The following PLXNA4 variants were observed in gnomAD, a reference collection of about 807,000 sequenced individuals.
The protein encoded by PLXNA4 is plexin-A4.
In PLXNA4, 44 loss-of-function variants were observed where a neutral mutation model predicts 191.8. The ratio of observed to expected loss-of-function variants is 0.23; its 90% confidence interval spans 0.18 to 0.29. The LOEUF (loss-of-function observed/expected upper bound fraction) is 0.29. Ranked by LOEUF, PLXNA4 falls within the 10% of genes least tolerant of loss-of-function variation. The probability of loss-of-function intolerance (pLI) is 1.00; values close to 1 mark genes in which losing one functional copy is unlikely to be tolerated. For missense variants in PLXNA4, 1,800 were observed against 2,488.8 expected, an observed-to-expected ratio of 0.72 and a Z score of 5.89; for synonymous variants, 1,082 against 1,009.5, an observed-to-expected ratio of 1.07 and a Z score of -1.36.
chr7:132,453,952 G>A (rs1796222008), intron 3 of PLXNA4, among the ~76,000 whole-genome samples: 2 of 152,210 alleles, frequency 1.3e-5, no homozygotes, highest in African/African-American at 4.8e-5. Context: ...CAGCAGAAAG[G>A]ACATCAGAGT....
intron 1 of PLXNA4, among the ~76,000 whole-genome samples, chr7:132,562,018 C>A (rs1257436226): frequency 9.4e-6 from 1 of 106,086 alleles, no homozygotes; most frequent in African/African-American, 3.0e-5. Flanking sequence ...TCCTACTCCT[C>A]CTCCTCCTCC....
At chr7:132,548,862 C>G (rs1800426846) in intron 1 of PLXNA4, among the ~76,000 whole-genome samples, 1 of 152,098 alleles carries the variant, frequency 6.6e-6, no homozygotes, top group Non-Finnish European at 1.5e-5. Context: ...CAAAACTCAC[C>G]AAAACCAAGA....
chr7:132,426,342 G>A (rs754341808), intron 3 of PLXNA4, among the ~76,000 whole-genome samples: 5 of 152,162 alleles, frequency 3.3e-5, no homozygotes, highest in African/African-American at 1.2e-4. Context: ...CTGGGTTGCC[G>A]GGCAGGAGTT....
At chr7:132,243,141 T>C (rs1309026421) in intron 4 of PLXNA4, among the ~76,000 whole-genome samples, 4 of 152,208 alleles carry the variant, frequency 2.6e-5, no homozygotes, top group Admixed American at 1.3e-4. Flanking sequence ...ACTTAATAAA[T>C]GCAGTTTGTT....
intron 3 of PLXNA4, among the ~76,000 whole-genome samples, chr7:132,333,937 T>C (rs1802702123): frequency 2.6e-5 from 4 of 152,250 alleles, no homozygotes; most frequent in Admixed American, 6.5e-5. Flanking sequence ...TCCGGGGTCC[T>C]GGAAGACCTA....
chr7:132,600,350 A>G (rs1279236018), intron 2 of PLXNA4, among the ~76,000 whole-genome samples: 2 of 151,988 alleles, frequency 1.3e-5, no homozygotes, highest in Admixed American at 6.6e-5. Flanking sequence ...TGGTCTAATT[A>G]TGATCTTTAT....
intron 3 of PLXNA4, among the ~76,000 whole-genome samples, chr7:132,395,788 T>A (rs931276562): frequency 1.3e-5 from 2 of 152,270 alleles, no homozygotes; most frequent in South Asian, 2.1e-4. Context: ...CTAGAAGGAA[T>A]GACCAGGATC....
intron 25 of PLXNA4, among the ~76,000 whole-genome samples, chr7:132,152,364 T>C (rs969885181): frequency 2.0e-5 from 3 of 152,192 alleles, no homozygotes; most frequent in African/African-American, 7.2e-5. Flanking sequence ...GCCAGCACCC[T>C]GGTCCCCTCA....
chr7:132,531,066 T>C (rs1369134305), intron 1 of PLXNA4, among the ~76,000 whole-genome samples: 1 of 152,198 alleles, frequency 6.6e-6, no homozygotes, highest in Non-Finnish European at 1.5e-5. Flanking sequence ...TACCCAGAGC[T>C]GGGAGGAGAA....
Position 132,358,092 on chromosome 7 carries a change from A to G in PLXNA4, c.1372-59870T>C, listed in dbSNP as rs527500396. ...AGATTCAAATTCCACTGCCACCACT[A>G]ACTTGCTTTTTAGAATCCAAAATGA... On this transcript the variant is annotated intron_variant, in intron 3 of 31. Coordinates refer to ENST00000321063, the MANE Select transcript of PLXNA4 (RefSeq NM_020911.2). Among the ~76,000 whole-genome samples the G allele has an allele frequency of 1.6e-3, 242 of 152,346 alleles. 2 individuals carry two copies. The highest frequency in any genetic ancestry group is 5.5e-3 in the African/African-American group (230 of 41,578).
chr7:132,622,984 A>G (rs1230054526), intron 2 of PLXNA4, among the ~76,000 whole-genome samples: 1 of 152,150 alleles, frequency 6.6e-6, no homozygotes, highest in African/African-American at 2.4e-5. Flanking sequence ...CTATTGTTCC[A>G]TAGCTGCGAA....
intron 3 of PLXNA4, among the ~76,000 whole-genome samples, chr7:132,372,012 C>A (rs1409775469): frequency 6.6e-6 from 1 of 152,194 alleles, no homozygotes; most frequent in African/African-American, 2.4e-5. Context: ...TGGCCATCGC[C>A]TCTAGATTGA....
chr7:132,622,651 C>T (rs2116868723), intron 2 of PLXNA4, among the ~76,000 whole-genome samples: 1 of 152,280 alleles, frequency 6.6e-6, no homozygotes, highest in Middle Eastern at 3.4e-3. Context: ...CCAGATGACT[C>T]CAGTTGTTGG....
intron 2 of PLXNA4, among the ~76,000 whole-genome samples, chr7:132,618,683 G>T (rs1803203487): frequency 6.6e-6 from 1 of 152,204 alleles, no homozygotes. Context: ...AGCCAGAAAA[G>T]TAGCAGAAGG....
intron 3 of PLXNA4, among the ~76,000 whole-genome samples, chr7:132,464,796 C>T (rs1379283979): frequency 1.3e-5 from 2 of 152,200 alleles, no homozygotes; most frequent in South Asian, 2.1e-4. Context: ...CATTCTATGG[C>T]GCAAGCTCAG....
At chr7:132,365,025 C>T (rs1804098477) in intron 3 of PLXNA4, among the ~76,000 whole-genome samples, 1 of 152,170 alleles carries the variant, frequency 6.6e-6, no homozygotes, top group Non-Finnish European at 1.5e-5. Flanking sequence ...CTGCACCAAA[C>T]TCTCCCTGAC....
intron 3 of PLXNA4, among the ~76,000 whole-genome samples, chr7:132,403,202 C>T (rs1022996652): frequency 3.9e-5 from 6 of 152,202 alleles, no homozygotes; most frequent in Non-Finnish European, 8.8e-5. Context: ...GAGGCCCTGA[C>T]GCCTGCTATG....
At chr7:132,471,741 C>T (rs1187872451) in intron 3 of PLXNA4, among the ~76,000 whole-genome samples, 3 of 152,188 alleles carry the variant, frequency 2.0e-5, no homozygotes, top group African/African-American at 7.2e-5. Context: ...GAGGGGCGCT[C>T]TTTCAAACTC....
intron 4 of PLXNA4, among the ~76,000 whole-genome samples, chr7:132,278,602 T>C (rs1800364221): frequency 6.6e-6 from 1 of 152,208 alleles, no homozygotes; most frequent in African/African-American, 2.4e-5. Context: ...GCAGGGGTTC[T>C]CAGGGCAGCG....
Sources: gnomAD v4.1 joint callset for allele counts (sites outside exome capture counted in the v4.1 genomes callset) on GRCh38, gnomAD v4.1.1 for gene constraint, MANE v1.5 for transcripts, NCBI Gene and HGNC (gene_info 2026-07-23, HGNC 2026-07-21) for gene names.